Variants in USO1 observed in about 807,000 individuals in gnomAD.
The protein encoded by USO1 is USO1 vesicle transport factor, also known as general vesicular transport factor p115.
In USO1, 57 loss-of-function variants were observed where a neutral mutation model predicts 124.5. The ratio of observed to expected loss-of-function variants is 0.46; its 90% CI spans 0.37 to 0.57. The LOEUF (loss-of-function observed/expected upper bound fraction) is 0.57. USO1 is among the 20% of genes least tolerant of loss of function. The pLI is 0.00. For synonymous variants in USO1, 369 were observed against 362.8 expected, an observed-to-expected ratio of 1.02 and a Z score of -0.19; for missense variants, 900 against 1,040.6, an observed-to-expected ratio of 0.86 and a Z score of 1.86.
chr4:75,729,105 G>A (rs1398802936), intron 1 of USO1, among the ~76,000 whole-genome samples: 1 of 151,900 alleles, frequency 6.6e-6, no homozygotes, highest in Admixed American at 6.6e-5. Flanking sequence ...CCCAGAGTCG[G>A]GTACTTTTAC....
Position 75,774,709 on chromosome 4 carries a change from A to C in USO1, c.589A>C (p.Asn197His). 1.2e-6 allele frequency: 2 copies of C among 1,613,566 alleles called. No homozygotes were observed. Among genetic ancestry groups the C allele is most frequent in the Non-Finnish European group, 1.7e-6 (2 of 1,179,630 alleles). ...ACTACTGCAGGCACTAACAAGAAGC[A>C]ATGGTGCAATCCAGAAAATTGTTGC... ...VLLLQALTRS[N>H]GAIQKIVAFE... is the part of the protein sequence containing the mutation. The change falls in exon 8 of 24, where the codon AAT becomes CAT. Residue 197 changes from asparagine to histidine, a missense_variant. Physicochemically the swap from Asn to His is moderately conservative, Grantham distance 68. Around this residue, in one of 2 missense-constraint regions of USO1, gnomAD observed 538 missense variants for 681.6 expected, o/e 0.79. Coordinates refer to ENST00000514213, the MANE Select transcript of USO1 (RefSeq NM_003715.4).
chr4:75,806,122 G>T (rs1722990268), intron 19 of USO1, among the ~76,000 whole-genome samples: 1 of 152,082 alleles, frequency 6.6e-6, no homozygotes, highest in Non-Finnish European at 1.5e-5. Flanking sequence ...CTCCCGAGTA[G>T]CTGGGATTAT....
intron 7 of USO1, among the ~76,000 whole-genome samples, chr4:75,772,771 C>T (rs2149169052): frequency 6.6e-6 from 1 of 152,096 alleles, no homozygotes; most frequent in East Asian, 1.9e-4. Flanking sequence ...CACTTATTTT[C>T]ATTTTCAGAT....
chr4:75,784,019 A>ATTTTG (rs1263884297), intron 9 of USO1, among the ~76,000 whole-genome samples: 2 of 152,060 alleles, frequency 1.3e-5, no homozygotes, highest in Non-Finnish European at 2.9e-5. Flanking sequence ...AAACTGCTTT[A>ATTTTG]TTTTGTTTTG....
At chr4:75,772,615 A>G (rs1721964682) in intron 7 of USO1, among the ~76,000 whole-genome samples, 1 of 152,176 alleles carries the variant, frequency 6.6e-6, no homozygotes, top group African/African-American at 2.4e-5. Flanking sequence ...TCTATCTATT[A>G]GAAATTTGGG....
At chr4:75,733,931 G>A (rs1187011882) in intron 1 of USO1, among the ~76,000 whole-genome samples, 1 of 134,774 alleles carries the variant, frequency 7.4e-6, no homozygotes, top group East Asian at 2.3e-4. Flanking sequence ...GATTTTCTTC[G>A]AGGATTTTTT....
chr4:75,768,577 G>A (rs1721835593), intron 4 of USO1, among the ~76,000 whole-genome samples: 1 of 152,192 alleles, frequency 6.6e-6, no homozygotes, highest in African/African-American at 2.4e-5. Flanking sequence ...CATGTCATCT[G>A]TAAATAAAGA....
Position 75,734,718 on chromosome 4 carries a change from C to CTTTTTTTTTTTTTTTT in USO1, c.66+9846_66+9861dup, listed in dbSNP as rs55928639. Among the ~76,000 whole-genome samples, 39 of 47,464 alleles carry CTTTTTTTTTTTTTTTT rather than the reference C, an allele frequency of 8.2e-4. 13 individuals are homozygous for CTTTTTTTTTTTTTTTT. The highest frequency in any genetic ancestry group is 1.2e-3 in the Non-Finnish European group (34 of 28,020). 31.1% of individuals were successfully genotyped at this position (47,464 alleles called of 152,430 possible). ...CTGTAGATTGCTTTGGGCAGTATGG[C>CTTTTTTTTTTTTTTTT]TTTTTTTTTTTTTTTTTTTTTTTTT... On this transcript the variant is annotated intron_variant, in intron 1 of 23. Coordinates refer to ENST00000514213, the MANE Select transcript of USO1 (RefSeq NM_003715.4).
At chr4:75,771,766 A>G (rs1366552698) in intron 7 of USO1, among the ~76,000 whole-genome samples, 1 of 152,212 alleles carries the variant, frequency 6.6e-6, no homozygotes, top group Non-Finnish European at 1.5e-5. Flanking sequence ...ATATTTGCAT[A>G]TAAGTTTGAA....
intron 8 of USO1, among the ~76,000 whole-genome samples, chr4:75,779,744 G>A (rs1235742627): frequency 6.6e-6 from 1 of 152,212 alleles, no homozygotes; most frequent in East Asian, 1.9e-4. Flanking sequence ...AAAAGTACAA[G>A]GTGAAACAGC....
chr4:75,802,520 C>G (rs1722878675), intron 17 of USO1, among the ~76,000 whole-genome samples: 1 of 152,064 alleles, frequency 6.6e-6, no homozygotes, highest in African/African-American at 2.4e-5. Context: ...CCACAAGCAT[C>G]TAGAACTATA....
chr4:75,724,903 T>A lies in USO1; in HGVS notation c.66+18T>A. 1 of 1,611,504 alleles carries A rather than the reference T, an allele frequency of 6.2e-7. No homozygotes were observed. The highest frequency in any genetic ancestry group is 8.5e-7 in the Non-Finnish European group (1 of 1,178,832). ...CCGAGACGGTGAGAGGAGCAGCGGGTCTGGGACTTGGGAAGGGGTCCGGGC... is the reference window on the plus strand; with the variant it reads ...CCGAGACGGTGAGAGGAGCAGCGGGACTGGGACTTGGGAAGGGGTCCGGGC... On this transcript the variant is annotated intron_variant, in intron 1 of 23. Transcript: ENST00000514213.
chr4:75,742,277 C>T (rs1720985578), intron 1 of USO1, among the ~76,000 whole-genome samples: 1 of 152,176 alleles, frequency 6.6e-6, no homozygotes, highest in Non-Finnish European at 1.5e-5. Flanking sequence ...GGTTTGTTTA[C>T]ACCAGCATCA....
intron 13 of USO1, among the ~76,000 whole-genome samples, chr4:75,796,705 C>T (rs1031003756): frequency 2.0e-5 from 3 of 151,898 alleles, no homozygotes; most frequent in Non-Finnish European, 4.4e-5. Flanking sequence ...TAATTACCCC[C>T]GAGAATGCTC....
intron 7 of USO1, among the ~76,000 whole-genome samples, chr4:75,774,249 T>C (rs1363658234): frequency 1.3e-5 from 2 of 152,236 alleles, no homozygotes; most frequent in Non-Finnish European, 2.9e-5. Flanking sequence ...CTTTCTCTAC[T>C]AGACTGTGGT....
intron 10 of USO1, among the ~76,000 whole-genome samples, chr4:75,789,110 G>T (rs1196854329): frequency 1.3e-5 from 2 of 150,956 alleles, no homozygotes; most frequent in African/African-American, 2.4e-5. Context: ...TGTTATTTTT[G>T]ATTTTCTGAA....
intron 13 of USO1, among the ~76,000 whole-genome samples, chr4:75,794,854 G>A (rs1020631578): frequency 5.3e-5 from 8 of 152,070 alleles, no homozygotes; most frequent in Admixed American, 1.3e-4. Flanking sequence ...TTTAAAATTG[G>A]TTTACTTTAA....
In USO1 at chr4:75,800,478, G is replaced by A; in HGVS notation, c.1682+9G>A. The A allele has an allele frequency of 6.3e-7, 1 of 1,574,810 alleles. No homozygotes were observed. Among genetic ancestry groups the A allele is most frequent in the Non-Finnish European group, 8.6e-7 (1 of 1,162,862 alleles). ...CTTGAGAGCTACATGAAGTAAGTAA[G>A]GGGAAGATGGTTTTCTAATGGCATC... On this transcript the variant is annotated intron_variant, in intron 15 of 23. Transcript: ENST00000514213.
In USO1 at chr4:75,808,937, T is replaced by C; in HGVS notation, c.2377-16T>C. 2.5e-6 allele frequency: 4 copies of C among 1,578,710 alleles called. No homozygotes were observed. Among genetic ancestry groups the C allele is most frequent in the Non-Finnish European group, 3.4e-6 (4 of 1,163,364 alleles). ...ATACCATTTAATGTTATGACTCAAC[T>C]ATTTTTGTCTCTTAGGAACTGGCAA... is the stretch of plus-strand genomic sequence containing the variant. On this transcript the variant is annotated splice_polypyrimidine_tract_variant and intron_variant, in intron 20 of 23. Transcript: ENST00000514213.
Sources: gnomAD v4.1 joint callset for allele counts (sites outside exome capture counted in the v4.1 genomes callset) on GRCh38, gnomAD v4.1.1 for gene constraint, gnomAD v4.1.1 regional missense constraint, MANE v1.5 for transcripts, NCBI Gene and HGNC (gene_info 2026-07-23, HGNC 2026-07-21) for gene names.